Variants in LRP1B observed in about 807,000 individuals in gnomAD.
The protein encoded by LRP1B is low-density lipoprotein receptor-related protein 1B.
Under a neutral mutation model 556.6 loss-of-function variants are expected in LRP1B, and 217 were observed. The observed-to-expected ratio is 0.39, with a 90% CI of 0.35 to 0.44. The LOEUF is 0.44. LRP1B is among the 20% of genes least tolerant of loss of function. The pLI is 1.00. For synonymous variants in LRP1B, 2,047 were observed against 1,865.8 expected, an observed-to-expected ratio of 1.10 and a Z score of -2.50; for missense variants, 5,053 against 5,620.8, an observed-to-expected ratio of 0.90 and a Z score of 3.23.
intron 2 of LRP1B, among the ~76,000 whole-genome samples, chr2:141,781,534 T>C (rs1347950584): frequency 6.6e-6 from 1 of 152,166 alleles, no homozygotes; most frequent in African/African-American, 2.4e-5. Context: ...CACAATTTTT[T>C]CACTCTCTTC....
At chr2:141,490,774 G>A (rs1402686672) in intron 2 of LRP1B, among the ~76,000 whole-genome samples, 1 of 151,956 alleles carries the variant, frequency 6.6e-6, no homozygotes, top group Non-Finnish European at 1.5e-5. Context: ...TTAAAAATCA[G>A]TGCTCTTTTA....
intron 41 of LRP1B, among the ~76,000 whole-genome samples, chr2:140,690,333 A>G (rs529677675): frequency 3.3e-5 from 5 of 151,964 alleles, no homozygotes; most frequent in South Asian, 2.1e-4. Flanking sequence ...TTAAAAGGGC[A>G]TATCACTCTT....
At chr2:140,518,418 A>T (rs544932127) in intron 49 of LRP1B, among the ~76,000 whole-genome samples, 1 of 152,270 alleles carries the variant, frequency 6.6e-6, no homozygotes, top group African/African-American at 2.4e-5. Context: ...TTAGTGTTGA[A>T]AGTTAATTTT....
At chr2:140,782,952 C>T (rs11888340) in intron 32 of LRP1B, among the ~76,000 whole-genome samples, 2,587 of 152,190 alleles carry the variant, frequency 0.017, 81 homozygotes, top group Admixed American at 0.078. Context: ...GGCATTAACT[C>T]CCAGTCAGCA....
At chr2:141,379,261 G>A (rs1185058034) in intron 3 of LRP1B, among the ~76,000 whole-genome samples, 2 of 152,052 alleles carry the variant, frequency 1.3e-5, no homozygotes, top group African/African-American at 4.8e-5. Flanking sequence ...TTGCATATCT[G>A]GCAAAACTAC....
intron 3 of LRP1B, among the ~76,000 whole-genome samples, chr2:141,367,965 T>G (rs1469870593): frequency 6.6e-6 from 1 of 152,098 alleles, no homozygotes; most frequent in Non-Finnish European, 1.5e-5. Flanking sequence ...CCAACACATG[T>G]GAAAAAGCTT....
chr2:141,409,268 C>T (rs72985156), intron 3 of LRP1B, among the ~76,000 whole-genome samples: 3,796 of 152,244 alleles, frequency 0.025, 158 homozygotes, highest in African/African-American at 0.082. Flanking sequence ...AGCGGAAAAA[C>T]TGCAGACTTT....
intron 3 of LRP1B, among the ~76,000 whole-genome samples, chr2:141,404,138 A>G (rs2104930197): frequency 6.6e-6 from 1 of 152,298 alleles, no homozygotes; most frequent in East Asian, 1.9e-4. Context: ...TGTTAATACA[A>G]TCCTATTTCA....
intron 1 of LRP1B, among the ~76,000 whole-genome samples, chr2:141,824,495 G>T (rs965545816): frequency 1.3e-5 from 2 of 152,142 alleles, no homozygotes; most frequent in Non-Finnish European, 2.9e-5. Context: ...GAGTAGAGTA[G>T]CTGGGACTAC....
At position 141,728,589 on chromosome 2, in the gene LRP1B, T is replaced by C. The variant is rs1429298703; in HGVS notation, c.205+81690A>G. ...TCACCACGGGAATAAGTCAGAGAGA[T>C]CCACAGACTTATTCCTGAAATTTGA... On this transcript the variant is annotated intron_variant, in intron 2 of 90. Coordinates refer to ENST00000389484, the MANE Select transcript of LRP1B (RefSeq NM_018557.3). Among the ~76,000 whole-genome samples, 5 of 152,082 alleles carry C rather than the reference T, an allele frequency of 3.3e-5. No homozygotes were observed. In the South Asian group the frequency reaches 1.0e-3, roughly 32 times the overall value.
chr2:140,509,079 C>G (rs867698112), intron 52 of LRP1B, among the ~76,000 whole-genome samples: 1 of 54,888 alleles, frequency 1.8e-5, no homozygotes, highest in Non-Finnish European at 3.8e-5. Flanking sequence ...CACACACACA[C>G]ACAAACACAC....
rs545142973 is a variant in LRP1B, at chr2:141,055,233, G to T, written c.1435C>A (p.Pro479Thr). Residue 479 changes from proline (P) to threonine (T), a missense_variant, in exon 10 of 91, where the codon CCA (proline) becomes ACA (threonine). Pro to Thr is a conservative substitution (Grantham distance 38). This residue lies in a region of LRP1B where 3,619 missense variants were observed against 3,931.9 expected (regional missense o/e 0.92). Transcript: ENST00000389484. Reference protein sequence around the residue: ...TVRSHACEVDPYGMPGGCSHI... With the variant: ...TVRSHACEVDTYGMPGGCSHI... Reference sequence around the variant, plus strand: ...GAACAGCCCCCTGGCATTCCATATGGATCGACTTCACATGCATGGCTTCTG... The same window carrying T: ...GAACAGCCCCCTGGCATTCCATATGTATCGACTTCACATGCATGGCTTCTG... 2.5e-5 allele frequency: 40 copies of T among 1,610,684 alleles called. 1 individual carries two copies. In the South Asian group the frequency reaches 3.9e-4, roughly 16 times the overall value.
intron 31 of LRP1B, among the ~76,000 whole-genome samples, chr2:140,831,416 T>C (rs1691712669): frequency 1.3e-5 from 2 of 152,060 alleles, no homozygotes; most frequent in African/African-American, 4.8e-5. Flanking sequence ...TGAACATACA[T>C]GGTAGAAAGG....
chr2:140,438,394 A>G (rs912037867), intron 66 of LRP1B, among the ~76,000 whole-genome samples: 1 of 152,196 alleles, frequency 6.6e-6, no homozygotes, highest in Non-Finnish European at 1.5e-5. Context: ...TATAGCTATA[A>G]CGGTATAGCT....
At chr2:140,836,588 G>A (rs933270600) in intron 31 of LRP1B, among the ~76,000 whole-genome samples, 2 of 152,062 alleles carry the variant, frequency 1.3e-5, no homozygotes, top group Admixed American at 6.5e-5. Context: ...AGTGATCTAC[G>A]AACATTGCTC....
chr2:140,365,084 TTA>T (rs1682696581), intron 71 of LRP1B, among the ~76,000 whole-genome samples: 1 of 151,686 alleles, frequency 6.6e-6, no homozygotes, highest in South Asian at 2.1e-4. Flanking sequence ...CACATAATTT[TTA>T]TGTTACTGAA....
intron 2 of LRP1B, among the ~76,000 whole-genome samples, chr2:141,753,109 A>G (rs1694178600): frequency 6.8e-6 from 1 of 147,940 alleles, no homozygotes; most frequent in East Asian, 2.0e-4. Flanking sequence ...TTAGCTGGGC[A>G]TGGTGGCATA....
intron 63 of LRP1B, among the ~76,000 whole-genome samples, chr2:140,445,025 T>C (rs1372497709): frequency 6.6e-6 from 1 of 152,190 alleles, no homozygotes; most frequent in East Asian, 1.9e-4. Context: ...CAAAAACTGT[T>C]ATTCCAATAT....
chr2:141,570,223 T>C (rs1686478595), intron 2 of LRP1B, among the ~76,000 whole-genome samples: 1 of 151,010 alleles, frequency 6.6e-6, no homozygotes, highest in African/African-American at 2.4e-5. Flanking sequence ...ATCATCAAAA[T>C]TGACTCTCTC....
Sources: gnomAD v4.1 joint callset for allele counts (sites outside exome capture counted in the v4.1 genomes callset) on GRCh38, gnomAD v4.1.1 for gene constraint, gnomAD v4.1.1 regional missense constraint, MANE v1.5 for transcripts, NCBI Gene and HGNC (gene_info 2026-07-23, HGNC 2026-07-21) for gene names.